Variants in OSBP observed in about 807,000 individuals in gnomAD.
The protein encoded by OSBP is oxysterol-binding protein 1.
Under a neutral mutation model 96.6 loss-of-function variants are expected in OSBP, and 32 were observed. The observed-to-expected ratio is 0.33, with a 90% confidence interval of 0.25 to 0.45. The LOEUF is 0.45. Among genes scored for constraint, OSBP ranks in the 20% least tolerant of loss-of-function variants. The pLI, the probability that OSBP is intolerant of heterozygous loss-of-function variation, is 1.00. For missense variants in OSBP, 653 were observed against 1,029.7 expected (o/e 0.63, Z 5.01); for synonymous variants, 369 against 389.6 (o/e 0.95, Z 0.62).
At chr11:59,604,820 A>T (rs924691357) in intron 3 of OSBP, among the ~76,000 whole-genome samples, 2 of 151,750 alleles carry the variant, frequency 1.3e-5, no homozygotes, top group African/African-American at 2.4e-5. Context: ...GTGCCACTGC[A>T]CTCCAGCCTG....
At chr11:59,613,147 AG>A (rs1043155719) in intron 1 of OSBP, among the ~76,000 whole-genome samples, 1 of 152,230 alleles carries the variant, frequency 6.6e-6, no homozygotes, top group African/African-American at 2.4e-5. Flanking sequence ...TATACTTGAT[AG>A]GAGGTATTTC....
chr11:59,588,151 T>C (rs1489463399), intron 9 of OSBP, among the ~76,000 whole-genome samples: 2 of 152,222 alleles, frequency 1.3e-5, no homozygotes, highest in African/African-American at 4.8e-5. Context: ...AAAAACTATA[T>C]GATTCCACTT....
At chr11:59,604,875 C>T (rs531564883) in intron 3 of OSBP, among the ~76,000 whole-genome samples, 8 of 133,654 alleles carry the variant, frequency 6.0e-5, no homozygotes, top group Non-Finnish European at 9.2e-5. Flanking sequence ...AGAAAAAGGC[C>T]GAGCACAGTG....
chr11:59,611,135 CAAAAA>C (rs35074206), intron 1 of OSBP, among the ~76,000 whole-genome samples: 3 of 60,108 alleles, frequency 5.0e-5, no homozygotes, highest in Non-Finnish European at 1.2e-4. Context: ...AACTCCGTCT[CAAAAA>C]AAAAAAAAAA....
intron 7 of OSBP, among the ~76,000 whole-genome samples, chr11:59,599,346 G>A (rs1311813809): frequency 6.6e-6 from 1 of 152,204 alleles, no homozygotes; most frequent in East Asian, 1.9e-4. Context: ...ATGCTTCTTA[G>A]ATGGTAGCCA....
chr11:59,598,762 G>A (rs1441221836), intron 7 of OSBP, among the ~76,000 whole-genome samples: 1 of 152,126 alleles, frequency 6.6e-6, no homozygotes, highest in Non-Finnish European at 1.5e-5. Flanking sequence ...TTTAACTTTT[G>A]TATTTTTAGT....
intron 2 of OSBP, among the ~76,000 whole-genome samples, chr11:59,609,350 T>G (rs562739227): frequency 6.6e-6 from 1 of 152,284 alleles, no homozygotes; most frequent in Non-Finnish European, 1.5e-5. Flanking sequence ...AAAAACTCAC[T>G]TTAAATAGCT....
At position 59,576,666 on chromosome 11, in the gene OSBP, C is replaced by T; in HGVS notation, c.2335G>A (p.Val779Ile). Residue 779 changes from valine (V) to isoleucine (I), a missense_variant, in exon 14 of 14, where the codon GTT (valine) becomes ATT (isoleucine). Physicochemically the swap from Val to Ile is conservative, Grantham distance 29. Around this residue, in one of 6 missense-constraint regions of OSBP, gnomAD observed 169 missense variants for 251.5 expected, o/e 0.67. Transcript: ENST00000263847. ...TAAATATGGGTTAACTCCTTGGTAA[C>T]AGGGTCCTTCTTCCGCTCAAACCAC... ...ALWFERKKDPVTKELTHIYRG... is the reference protein window; with the variant it reads ...ALWFERKKDPITKELTHIYRG... 1 of 1,614,138 alleles carries T rather than the reference C, an allele frequency of 6.2e-7. No homozygotes were observed. Among genetic ancestry groups the T allele is most frequent in the Non-Finnish European group, 8.5e-7 (1 of 1,180,036 alleles).
chr11:59,615,709 A>AGCC lies in OSBP; in HGVS notation c.-48_-46dup. 1 of 1,262,008 alleles carries AGCC rather than the reference A, an allele frequency of 7.9e-7. No homozygotes were observed. Among genetic ancestry groups the AGCC allele is most frequent in the East Asian group, 3.2e-5 (1 of 30,978 alleles). The allele number at this position is 1,262,008 out of a possible 1,614,324, so 78.2% of individuals were successfully genotyped here. On this transcript the variant is annotated 5_prime_UTR_variant, in exon 1 of 14. Transcript: ENST00000263847. ...ATACAAGACCGGAACCGCCTACGAG[A>AGCC]GCCGCCGTCGCCGCCCGGAGCGCCC...
chr11:59,596,443 T>C (rs1029602600), intron 7 of OSBP, among the ~76,000 whole-genome samples: 2 of 152,086 alleles, frequency 1.3e-5, no homozygotes, highest in African/African-American at 4.8e-5. Flanking sequence ...GCCTTGCCCA[T>C]CAACAACCAG....
chr11:59,583,929 C>T (rs926437905), intron 9 of OSBP, among the ~76,000 whole-genome samples: 6 of 149,524 alleles, frequency 4.0e-5, no homozygotes, highest in East Asian at 1.9e-4. Flanking sequence ...TGAGCCACCA[C>T]ACCTGATGGT....
At chr11:59,590,315 GTCCT>G (rs1860561713) in intron 9 of OSBP, among the ~76,000 whole-genome samples, 3 of 152,252 alleles carry the variant, frequency 2.0e-5, no homozygotes, top group African/African-American at 7.2e-5. Context: ...TGTCTTCAGT[GTCCT>G]TTTTGCACTG....
At position 59,615,279 on chromosome 11, in the gene OSBP, CGACA is replaced by C; in HGVS notation, c.362+20_362+23del. 1 of 1,572,196 alleles carries C rather than the reference CGACA, an allele frequency of 6.4e-7. No individual in the cohort carries two copies. On this transcript the variant is annotated intron_variant, in intron 1 of 13. Transcript: ENST00000263847. Reference sequence around the variant, plus strand: ...GCAGATATGGGGGAGGCAAGGTGAGCGACAGCGCCCCGGAAGCAGTTACCTGTAG... The same window carrying C: ...GCAGATATGGGGGAGGCAAGGTGAGCGCGCCCCGGAAGCAGTTACCTGTAG...
Position 59,615,647 on chromosome 11 carries a change from C to A in OSBP, c.18G>T (p.Leu6=). 1 of 1,364,110 alleles carries A rather than the reference C, an allele frequency of 7.3e-7. No individual in the cohort carries two copies. Among genetic ancestry groups the A allele is most frequent in the Non-Finnish European group, 9.4e-7 (1 of 1,058,676 alleles). The allele number at this position is 1,364,110 out of a possible 1,614,324, so 84.5% of individuals were successfully genotyped here. A position where few individuals can be genotyped will look rare whatever the true frequency, so the allele number is the denominator to read the frequency against. MAATE[L]RGVVGPGPAA... is the part of the protein sequence containing the mutation. ...CCGGGCCTGGCCCCACCACTCCTCT[C>A]AGCTCCGTCGCCGCCATGAGCCGCC... Residue 6 remains leucine (L), a synonymous_variant, in exon 1 of 14, where the codon CTG becomes CTT. Transcript: ENST00000263847.
chr11:59,580,369 T>G, intron 10 of OSBP, 100 bp from the exon 11 acceptor site: 1 of 757,926 alleles, frequency 1.3e-6, no homozygotes, highest in East Asian at 2.5e-5. Flanking sequence ...TACATTCTAG[T>G]AATCCCTTGT....
intron 12 of OSBP, among the ~76,000 whole-genome samples, chr11:59,577,387 C>T (rs963023867): frequency 1.4e-5 from 2 of 141,048 alleles, no homozygotes; most frequent in Non-Finnish European, 3.2e-5. Flanking sequence ...TCACTACAAA[C>T]TGACTGTATT....
Position 59,591,401 on chromosome 11 carries a change from A to G in OSBP, c.1678+2203T>C, listed in dbSNP as rs574202632. ...TTGGTATTTGTGAGAGATTGGTTCC[A>G]GAACACCCTGCAGATACCACAATTT... On this transcript the variant is annotated intron_variant, in intron 9 of 13. Coordinates refer to ENST00000263847, the MANE Select transcript of OSBP (RefSeq NM_002556.3). 5.0e-4 allele frequency among the ~76,000 whole-genome samples: 76 copies of G among 152,312 alleles called. 1 individual carries two copies. The highest frequency in any genetic ancestry group is 1.8e-3 in the African/African-American group (73 of 41,576).
Position 59,596,468 on chromosome 11 carries a change from C to G in OSBP, c.1312-2213G>C, listed in dbSNP as rs185764464. Among the ~76,000 whole-genome samples, 8 of 152,060 alleles carry G rather than the reference C, an allele frequency of 5.3e-5. No individual in the cohort carries two copies. The East Asian group carries it at 1.4e-3, about 26-fold the overall frequency. On this transcript the variant is annotated intron_variant, in intron 7 of 13. Coordinates refer to ENST00000263847, the MANE Select transcript of OSBP (RefSeq NM_002556.3). ...TCAACAACCAGTTTCTCCAAAAGTGCCAAGCTTCTTATAATGGTCATTTTA... is the reference window on the plus strand; with the variant it reads ...TCAACAACCAGTTTCTCCAAAAGTGGCAAGCTTCTTATAATGGTCATTTTA...
chr11:59,614,187 C>A (rs946678290), intron 1 of OSBP, among the ~76,000 whole-genome samples: 3 of 152,194 alleles, frequency 2.0e-5, no homozygotes, highest in African/African-American at 7.2e-5. Flanking sequence ...CGATTCATTT[C>A]ACACTAACCT....
Sources: gnomAD v4.1 joint callset for allele counts (sites outside exome capture counted in the v4.1 genomes callset) on GRCh38, gnomAD v4.1.1 for gene constraint, gnomAD v4.1.1 regional missense constraint, MANE v1.5 for transcripts, NCBI Gene and HGNC (gene_info 2026-07-23, HGNC 2026-07-21) for gene names.